Variants in ECHDC3 observed in about 807,000 individuals in gnomAD.
The protein encoded by ECHDC3 is enoyl-CoA hydratase domain containing 3, also known as enoyl-CoA hydratase domain-containing protein 3, mitochondrial.
A neutral mutation model predicts 17.9 loss-of-function variants in ECHDC3; 20 were observed. The ratio of observed to expected loss-of-function variants is 1.12; its 90% confidence interval spans 0.79 to 1.63. The LOEUF (loss-of-function observed/expected upper bound fraction) is 1.63. ECHDC3 is among the 40% of genes most tolerant of loss of function. The probability of loss-of-function intolerance (pLI) is 0.00; values close to 1 mark genes in which losing one functional copy is unlikely to be tolerated. For synonymous variants in ECHDC3, 177 were observed against 149.7 expected (o/e 1.18, Z -1.33); for missense variants, 407 against 357.7 (o/e 1.14, Z -1.11).
intron 1 of ECHDC3, 191 bp downstream of exon 1, chr10:11,742,937 C>T (rs1177467076): frequency 5.2e-5 from 30 of 572,846 alleles, no homozygotes; most frequent in Middle Eastern, 5.4e-4. Context: ...TGGGACTGCC[C>T]GGGGCTCCAA....
chr10:11,756,846 C>T (rs767152806), intron 4 of ECHDC3, among the ~76,000 whole-genome samples: 2 of 152,024 alleles, frequency 1.3e-5, no homozygotes, highest in Non-Finnish European at 2.9e-5. Context: ...AGGGATTCTC[C>T]TGCCTCAGCC....
intron 1 of ECHDC3, among the ~76,000 whole-genome samples, chr10:11,743,968 A>T (rs1428117324): frequency 6.6e-6 from 1 of 152,224 alleles, no homozygotes; most frequent in Non-Finnish European, 1.5e-5. Context: ...GAAACTTCTT[A>T]ACCAAGCATT....
rs536741689 is a variant in ECHDC3 at position 11,757,326 on chromosome 10, A to G, written c.591+1718A>G. ...TTGATTCCTAGAAACTTAACGCTAG[A>G]CCATATTTATCAAGTTTTAAATTGA... On this transcript the variant is annotated intron_variant, in intron 4 of 4. Transcript: ENST00000379215. Among the ~76,000 whole-genome samples, 24 of 152,330 alleles carry G rather than the reference A, an allele frequency of 1.6e-4. No homozygotes were observed. In the South Asian group the frequency reaches 5.0e-3, roughly 32 times the overall value.
At position 11,763,679 on chromosome 10, in the gene ECHDC3, G is replaced by T; in HGVS notation, c.*135G>T. 1 of 1,428,738 alleles carries T rather than the reference G, an allele frequency of 7.0e-7. No homozygotes were observed. The highest frequency in any genetic ancestry group is 9.1e-7 in the Non-Finnish European group (1 of 1,095,732). 88.5% of individuals were successfully genotyped at this position (1,428,738 alleles called of 1,614,324 possible). ...CTTGATATTGGTGTCATAGCATTTG[G>T]CCTACATTAAAAGCCACAATTTCAT... On this transcript the variant is annotated 3_prime_UTR_variant, in exon 5 of 5. Transcript: ENST00000379215. The surrounding 1 kb of genome is among the most constrained non-coding windows in gnomAD (Gnocchi z 4.9).
At chr10:11,742,914 G>C in intron 1 of ECHDC3, 168 bp downstream of exon 1, 1 of 780,524 alleles carries the variant, frequency 1.3e-6, no homozygotes, top group East Asian at 3.7e-5. Flanking sequence ...AGGTGGGATT[G>C]TAGGGCCGTC....
intron 3 of ECHDC3, among the ~76,000 whole-genome samples, chr10:11,753,682 C>T (rs1362894398): frequency 6.6e-6 from 1 of 152,214 alleles, no homozygotes; most frequent in African/African-American, 2.4e-5. Flanking sequence ...CTCACTAGCC[C>T]ATCCCCAGTC....
intron 4 of ECHDC3, among the ~76,000 whole-genome samples, chr10:11,759,319 T>A (rs1427791693): frequency 4.2e-5 from 6 of 143,594 alleles, no homozygotes; most frequent in African/African-American, 1.6e-4. Context: ...GTGCCATTGC[T>A]CTCCAGCCTG....
intron 4 of ECHDC3, among the ~76,000 whole-genome samples, chr10:11,759,971 G>C (rs1832929302): frequency 6.6e-6 from 1 of 152,248 alleles, no homozygotes; most frequent in Admixed American, 6.5e-5. Flanking sequence ...TGGTTAGTAA[G>C]TGGCAGAGCT....
At chr10:11,748,626 C>T (rs1832789852) in intron 2 of ECHDC3, among the ~76,000 whole-genome samples, 2 of 152,204 alleles carry the variant, frequency 1.3e-5, no homozygotes, top group Non-Finnish European at 2.9e-5. Flanking sequence ...TTGCTCATGT[C>T]TGTAATCCCA....
chr10:11,754,504 T>C (rs1018210893), intron 3 of ECHDC3, among the ~76,000 whole-genome samples: 2 of 152,250 alleles, frequency 1.3e-5, no homozygotes, highest in Admixed American at 6.5e-5. Context: ...TTTGTTTACT[T>C]TGATGACAGC....
At chr10:11,749,663 G>T in intron 3 of ECHDC3, 71 bp downstream of exon 3, 1 of 1,455,986 alleles carries the variant, frequency 6.9e-7, no homozygotes, top group Non-Finnish European at 9.5e-7. Context: ...GTTCGCCTTC[G>T]ACCTTACAGA....
chr10:11,760,256 C>T (rs1310966786), intron 4 of ECHDC3, among the ~76,000 whole-genome samples: 1 of 152,188 alleles, frequency 6.6e-6, no homozygotes, highest in Non-Finnish European at 1.5e-5. Context: ...ATGGCTTGCT[C>T]AGAGGTCCCA....
chr10:11,748,592 G>C (rs930255324), intron 2 of ECHDC3, among the ~76,000 whole-genome samples: 1 of 152,008 alleles, frequency 6.6e-6, no homozygotes. Context: ...TATCAATCAA[G>C]ATAACTACAA....
intron 3 of ECHDC3, among the ~76,000 whole-genome samples, chr10:11,752,879 T>G (rs545560857): frequency 1.3e-5 from 2 of 152,214 alleles, no homozygotes; most frequent in Admixed American, 6.5e-5. Flanking sequence ...TGCTGGTGTT[T>G]CTCTTGGAAA....
In ECHDC3 at chr10:11,751,715, T is replaced by A. The variant is rs1006731365; in HGVS notation, c.390+2123T>A. ...AGAATGAGAATGAGAAGAACTTGGC[T>A]CTGGAAGAGTGAAAATGACCTGCCA... is the stretch of plus-strand genomic sequence containing the variant. On this transcript the variant is annotated intron_variant, in intron 3 of 4. Coordinates refer to ENST00000379215, the MANE Select transcript of ECHDC3 (RefSeq NM_024693.5). 5.3e-5 allele frequency among the ~76,000 whole-genome samples: 8 copies of A among 152,312 alleles called. No homozygotes were observed. The South Asian group carries it at 8.3e-4, about 16-fold the overall frequency.
At position 11,755,538 on chromosome 10, in the gene ECHDC3, C is replaced by A. The variant is rs1170990562; in HGVS notation, c.521C>A (p.Thr174Asn). The A allele has an allele frequency of 1.9e-6, 3 of 1,614,142 alleles. No homozygotes were observed. Residue 174 changes from threonine (T) to asparagine (N), a missense_variant, in exon 4 of 5, where the codon ACT becomes AAT. By Grantham distance (65) the Thr-to-Asn change is moderately conservative. Transcript: ENST00000379215. ...AVASDKSSFA[T>N]PGVNVGLFCS... is the part of the protein sequence containing the mutation. ...GCGAGCGACAAGTCCTCTTTTGCCA[C>A]TCCTGGGGTGAACGTCGGGCTCTTC...
In ECHDC3 at chr10:11,742,455, G is replaced by C. The variant is rs1461874247; in HGVS notation, c.-122G>C. On this transcript the variant is annotated 5_prime_UTR_variant, in exon 1 of 5. Transcript: ENST00000379215. The stretch of plus-strand genomic sequence containing the variant: ...TGTCAGGCGGTTCCGTCCGGGTCTC[G>C]GCCACCGTCGAGTTCCGTCGAGTTC... 1.9e-6 allele frequency: 2 copies of C among 1,040,446 alleles called. No homozygotes were observed. Among genetic ancestry groups the C allele is most frequent in the Non-Finnish European group, 1.2e-6 (1 of 817,716 alleles). 64.5% of individuals were successfully genotyped at this position (1,040,446 alleles called of 1,614,324 possible).
At position 11,742,674 on chromosome 10, in the gene ECHDC3, G is replaced by C. The variant is rs866046731; in HGVS notation, c.98G>C (p.Arg33Pro). ...CAGCTCCCCGCCCGCTTCTGCAGCC[G>C]GGACCCGGCCGGGGCGGGGCGGCGG... The part of the protein sequence containing the change: ...WAQLPARFCS[R>P]DPAGAGRRES... The change falls in exon 1 of 5, where the codon CGG becomes CCG. Residue 33 changes from arginine (R) to proline (P), a missense_variant. Coordinates refer to ENST00000379215, the MANE Select transcript of ECHDC3 (RefSeq NM_024693.5). 5.6e-6 allele frequency: 7 copies of C among 1,246,108 alleles called. No homozygotes were observed. The African/African-American group carries it at 9.4e-5, about 17-fold the overall frequency. 77.2% of individuals were successfully genotyped at this position (1,246,108 alleles called of 1,614,324 possible). A position where few individuals can be genotyped will look rare whatever the true frequency, so the allele number is the denominator to read the frequency against.
At chr10:11,751,807 A>G (rs1832827730) in intron 3 of ECHDC3, among the ~76,000 whole-genome samples, 2 of 152,178 alleles carry the variant, frequency 1.3e-5, no homozygotes, top group Admixed American at 6.5e-5. Context: ...TGGAGACGGA[A>G]ACTCTAGTTT....
Sources: gnomAD v4.1 joint callset for allele counts (sites outside exome capture counted in the v4.1 genomes callset) on GRCh38, gnomAD v4.1.1 for gene constraint, Gnocchi (gnomAD v3.1) non-coding constraint, MANE v1.5 for transcripts, NCBI Gene and HGNC (gene_info 2026-07-23, HGNC 2026-07-21) for gene names.